The following ITFG1 variants were observed in gnomAD, a reference collection of about 807,000 sequenced individuals.
ITFG1 encodes T-cell immunomodulatory protein.
ITFG1 carries 34 observed loss-of-function variants against 81.8 expected under a neutral mutation model. The observed-to-expected ratio is 0.42, with a 90% CI of 0.32 to 0.55. The LOEUF (loss-of-function observed/expected upper bound fraction) is 0.55, where lower values mean the gene tolerates loss of function less well. Among genes scored for constraint, ITFG1 ranks in the 20% least tolerant of loss-of-function variants. The probability of loss-of-function intolerance (pLI) is 0.17; values close to 1 mark genes in which losing one functional copy is unlikely to be tolerated. For synonymous variants in ITFG1, 285 were observed against 270.6 expected (o/e 1.05, Z -0.52); for missense variants, 672 against 755.4 (o/e 0.89, Z 1.29).
At chr16:47,167,829 G>A (rs2151508907) in intron 14 of ITFG1, among the ~76,000 whole-genome samples, 1 of 152,252 alleles carries the variant, frequency 6.6e-6, no homozygotes, top group Non-Finnish European at 1.5e-5. Flanking sequence ...AGCTGTTGAT[G>A]GCCATTTGGG....
intron 14 of ITFG1, among the ~76,000 whole-genome samples, chr16:47,212,855 T>A (rs892980952): frequency 4.6e-5 from 7 of 152,230 alleles, no homozygotes; most frequent in Non-Finnish European, 1.5e-5. Context: ...TTGTCAATTT[T>A]GTTTATTTCC....
At chr16:47,401,967 G>GT (rs1417354473) in intron 6 of ITFG1, among the ~76,000 whole-genome samples, 1 of 151,856 alleles carries the variant, frequency 6.6e-6, no homozygotes, top group East Asian at 1.9e-4. Context: ...CCCCTTATGT[G>GT]TTTTTTCACA....
chr16:47,204,923 C>T (rs889282630), intron 14 of ITFG1, among the ~76,000 whole-genome samples: 1 of 152,182 alleles, frequency 6.6e-6, no homozygotes, highest in Non-Finnish European at 1.5e-5. Context: ...ATTCTCTAAA[C>T]TCATATGCTG....
At chr16:47,448,229 A>G (rs571558620) in intron 5 of ITFG1, 3 of 152,328 alleles carry the variant, frequency 2.0e-5, no homozygotes, top group East Asian at 3.9e-4. Context: ...TCTGTAATGT[A>G]TCAGCAAACA....
At chr16:47,306,132 T>A (rs1967154798) in intron 10 of ITFG1, among the ~76,000 whole-genome samples, 1 of 152,102 alleles carries the variant, frequency 6.6e-6, no homozygotes, top group African/African-American at 2.4e-5. Flanking sequence ...GGTATTAATA[T>A]TTAATAACCA....
At chr16:47,279,694 G>A (rs1567444328) in intron 10 of ITFG1, among the ~76,000 whole-genome samples, 1 of 152,134 alleles carries the variant, frequency 6.6e-6, no homozygotes, top group Non-Finnish European at 1.5e-5. Flanking sequence ...ATTTTGATAG[G>A]AATGACAATA....
chr16:47,163,065 A>G (rs1423269113), intron 14 of ITFG1, among the ~76,000 whole-genome samples: 1 of 152,158 alleles, frequency 6.6e-6, no homozygotes, highest in African/African-American at 2.4e-5. Context: ...GGCTCTCAAA[A>G]TGCTGGGATT....
chr16:47,253,931 A>G (rs1183413210), intron 12 of ITFG1, among the ~76,000 whole-genome samples: 1 of 152,140 alleles, frequency 6.6e-6, no homozygotes, highest in Non-Finnish European at 1.5e-5. Flanking sequence ...CTTTAACAAT[A>G]AAAACTAGAG....
intron 14 of ITFG1, among the ~76,000 whole-genome samples, chr16:47,173,125 A>G (rs1964980539): frequency 6.6e-6 from 1 of 152,168 alleles, no homozygotes; most frequent in African/African-American, 2.4e-5. Context: ...TCCTTGTTCA[A>G]ATGATATGTT....
intron 5 of ITFG1, among the ~76,000 whole-genome samples, chr16:47,440,814 G>A (rs1368288976): frequency 6.6e-6 from 1 of 152,244 alleles, no homozygotes; most frequent in East Asian, 1.9e-4. Context: ...AAAGCTAGCA[G>A]AAGGCAAGAA....
intron 13 of ITFG1, among the ~76,000 whole-genome samples, chr16:47,219,510 A>T (rs562105223): frequency 6.6e-6 from 1 of 152,180 alleles, no homozygotes; most frequent in Admixed American, 6.5e-5. Context: ...AACATTCCTC[A>T]AACCTTGAAT....
chr16:47,397,843 C>A (rs1968611778), intron 6 of ITFG1, among the ~76,000 whole-genome samples: 1 of 152,176 alleles, frequency 6.6e-6, no homozygotes, highest in Admixed American at 6.5e-5. Context: ...GAGGATCACA[C>A]TGCAGGCAGC....
At chr16:47,404,916 C>T (rs1043379335) in intron 6 of ITFG1, among the ~76,000 whole-genome samples, 9 of 151,872 alleles carry the variant, frequency 5.9e-5, no homozygotes, top group Non-Finnish European at 4.4e-5. Context: ...GTTTATTGGC[C>T]TTTCTTATTT....
intron 6 of ITFG1, among the ~76,000 whole-genome samples, chr16:47,392,367 C>A (rs533462851): frequency 6.6e-6 from 1 of 152,094 alleles, no homozygotes; most frequent in East Asian, 1.9e-4. Flanking sequence ...TGGGCCTCAG[C>A]CGTGTAAAGG....
At chr16:47,263,047 G>T in intron 10 of ITFG1, 1 of 218,584 alleles carries the variant, frequency 4.6e-6, no homozygotes, top group South Asian at 8.4e-5. Context: ...TCTGAGAATG[G>T]CTGTTGGCTC....
chr16:47,403,009 A>C (rs1187076151), intron 6 of ITFG1, among the ~76,000 whole-genome samples: 2 of 152,178 alleles, frequency 1.3e-5, no homozygotes, highest in Non-Finnish European at 2.9e-5. Flanking sequence ...ACTGCTTTTT[A>C]AAAGATCATA....
chr16:47,369,833 C>CTTTTTTTT (rs71134539), intron 7 of ITFG1, among the ~76,000 whole-genome samples: 35 of 51,728 alleles, frequency 6.8e-4, no homozygotes, highest in African/African-American at 2.3e-3. Context: ...TCAATATCCT[C>CTTTTTTTT]TTTTTTTTTT....
chr16:47,330,531 A>C (rs188877083), intron 8 of ITFG1, among the ~76,000 whole-genome samples: 28 of 152,222 alleles, frequency 1.8e-4, no homozygotes, highest in Non-Finnish European at 2.8e-4. Flanking sequence ...TCAACAGAGT[A>C]AAAAGACAAC....
At chr16:47,443,310 C>G (rs1969278963) in intron 5 of ITFG1, among the ~76,000 whole-genome samples, 1 of 152,110 alleles carries the variant, frequency 6.6e-6, no homozygotes, top group Non-Finnish European at 1.5e-5. Context: ...GGAGTGTAAA[C>G]TAGTTCAACC....
Sources: gnomAD v4.1 joint callset for allele counts (sites outside exome capture counted in the v4.1 genomes callset) on GRCh38, gnomAD v4.1.1 for gene constraint, MANE v1.5 for transcripts, NCBI Gene and HGNC (gene_info 2026-07-23, HGNC 2026-07-21) for gene names.